The following PLCE1 variants were observed in gnomAD, a reference collection of about 807,000 sequenced individuals.
The protein encoded by PLCE1 is 1-phosphatidylinositol 4,5-bisphosphate phosphodiesterase epsilon-1.
PLCE1 carries 119 observed loss-of-function variants against 242.8 expected under a neutral mutation model. The ratio of observed to expected loss-of-function variants is 0.49; its 90% confidence interval spans 0.42 to 0.57. The LOEUF (loss-of-function observed/expected upper bound fraction) is 0.57, where lower values mean the gene tolerates loss of function less well. PLCE1 is among the 20% of genes least tolerant of loss of function. The pLI is 0.00. For missense variants in PLCE1, 2,441 were observed against 2,788.8 expected (o/e 0.88, Z 2.81); for synonymous variants, 945 against 1,017.4 (o/e 0.93, Z 1.35).
chr10:94,098,990 G>T (rs564080440), intron 2 of PLCE1, among the ~76,000 whole-genome samples: 45 of 152,310 alleles, frequency 3.0e-4, no homozygotes, highest in African/African-American at 1.1e-3. Flanking sequence ...TCTGGGAAAT[G>T]CAGGCAAAGT....
At position 94,262,679 on chromosome 10, in the gene PLCE1, G is replaced by A. The variant is rs61886335; in HGVS notation, c.4000G>A (p.Val1334Met). ...CATACTTCAGCTCAACGATTTCCTCGTGAATTGCCAAGGAGAACACTGCAC... is the reference window on the plus strand; with the variant it reads ...CATACTTCAGCTCAACGATTTCCTCATGAATTGCCAAGGAGAACACTGCAC... Reference protein sequence around the residue: ...VGILQLNDFLVNCQGEHCTYD... With the variant: ...VGILQLNDFLMNCQGEHCTYD... The change falls in exon 14 of 33, where the codon GTG becomes ATG. Residue 1334 changes from valine (V) to methionine (M), a missense_variant. By Grantham distance (21) the Val-to-Met change is conservative. Around this residue, in one of 5 missense-constraint regions of PLCE1, gnomAD observed 1,004 missense variants for 1,322.7 expected, o/e 0.76. Coordinates refer to ENST00000371380, the MANE Select transcript of PLCE1 (RefSeq NM_016341.4). The A allele has an allele frequency of 2.5e-5, 41 of 1,614,024 alleles. No individual in the cohort carries two copies. Among genetic ancestry groups the A allele is most frequent in the African/African-American group, 2.4e-4 (18 of 75,032 alleles).
intron 3 of PLCE1, among the ~76,000 whole-genome samples, chr10:94,165,516 C>G (rs1187368771): frequency 6.6e-6 from 1 of 152,152 alleles, no homozygotes; most frequent in African/African-American, 2.4e-5. Flanking sequence ...ACACTGGGAG[C>G]TGTAGACTGG....
rs2061542418 is a variant in PLCE1, at chr10:94,030,795, CAG to C, written c.-249_-248del. 2 of 501,340 alleles carry C rather than the reference CAG, an allele frequency of 4.0e-6. No homozygotes were observed. The highest frequency in any genetic ancestry group is 7.1e-6 in the Non-Finnish European group (2 of 281,058). The allele number at this position is 501,340 out of a possible 1,614,324, so 31.1% of individuals were successfully genotyped here. A position where few individuals can be genotyped will look rare whatever the true frequency, so the allele number is the denominator to read the frequency against. On this transcript the variant is annotated 5_prime_UTR_variant, in exon 2 of 33. It introduces an in-frame stop codon into an upstream open reading frame of the 5' UTR. Transcript: ENST00000371380. The stretch of plus-strand genomic sequence containing the variant: ...CTTCAAAAAATTTTGCTTCAGGTAA[CAG>C]AGGAAGGAAAATTGATCTACCACCT...
At chr10:94,110,898 A>C (rs1289363446) in intron 2 of PLCE1, among the ~76,000 whole-genome samples, 2 of 152,250 alleles carry the variant, frequency 1.3e-5, no homozygotes, top group East Asian at 3.8e-4. Context: ...AGCCCTGTGC[A>C]CTGGACAATG....
intron 2 of PLCE1, among the ~76,000 whole-genome samples, chr10:94,048,599 T>G (rs2043665335): frequency 6.6e-6 from 1 of 150,966 alleles, no homozygotes; most frequent in South Asian, 2.1e-4. Context: ...ATGCCCATTT[T>G]CTGTTGGGTT....
chr10:94,145,484 G>A (rs375198523), intron 3 of PLCE1, among the ~76,000 whole-genome samples: 88 of 152,224 alleles, frequency 5.8e-4, no homozygotes, highest in African/African-American at 2.1e-3. Context: ...CTTCTTCATG[G>A]GCCAAATCCA....
At chr10:94,324,835 G>GTGAC in intron 31 of PLCE1, 57 bp from the exon 32 acceptor site, 2 of 1,533,340 alleles carry the variant, frequency 1.3e-6, no homozygotes. Context: ...ATAGTGTCAT[G>GTGAC]TGACAGAGGA....
intron 28 of PLCE1, among the ~76,000 whole-genome samples, chr10:94,313,789 G>A (rs2053473125): frequency 6.6e-6 from 1 of 152,120 alleles, no homozygotes; most frequent in African/African-American, 2.4e-5. Flanking sequence ...TTAGGTGAAT[G>A]GAATCTTCTT....
intron 3 of PLCE1, among the ~76,000 whole-genome samples, chr10:94,152,100 A>G (rs1259139184): frequency 6.6e-6 from 1 of 152,192 alleles, no homozygotes; most frequent in Non-Finnish European, 1.5e-5. Flanking sequence ...ATGTTGGCCT[A>G]GGCAAAAAAT....
chr10:94,283,879 A>C lies in PLCE1; in HGVS notation c.4885A>C (p.Lys1629Gln). Residue 1629 changes from lysine (K) to glutamine (Q), a missense_variant, in exon 21 of 33, where the codon AAA (lysine) becomes CAA (glutamine). Lys to Gln is a moderately conservative substitution (Grantham distance 53). Transcript: ENST00000371380. ...YNEEIPKRIK[K>Q]ADNSACNKGK... Reference sequence around the variant, plus strand: ...TGAAGAAATCCCAAAGAGGATAAAGAAAGCAGATAACTCTGCTTGCAACAA... The same window carrying C: ...TGAAGAAATCCCAAAGAGGATAAAGCAAGCAGATAACTCTGCTTGCAACAA... The C allele has an allele frequency of 2.5e-6, 4 of 1,612,094 alleles. No individual in the cohort carries two copies. Among genetic ancestry groups the C allele is most frequent in the Non-Finnish European group, 2.5e-6 (3 of 1,178,562 alleles).
Position 94,308,723 on chromosome 10 carries a change from A to G in PLCE1, c.6003+24A>G, listed in dbSNP as rs11187850. The G allele has an allele frequency of 0.29, 416,058 of 1,441,692 alleles. 61,930 individuals are homozygous for G. The highest frequency in any genetic ancestry group is 0.41 in the Middle Eastern group (2,334 of 5,736). 89.3% of individuals were successfully genotyped at this position (1,441,692 alleles called of 1,614,324 possible). ...CGGTAATGAAGTTCTGTTTCACTCA[A>G]CATATTTATGGGGATTGCTACACTG... On this transcript the variant is annotated intron_variant, in intron 27 of 32. Coordinates refer to ENST00000371380, the MANE Select transcript of PLCE1 (RefSeq NM_016341.4).
intron 1 of PLCE1, among the ~76,000 whole-genome samples, chr10:94,024,866 A>C (rs1408722486): frequency 6.6e-6 from 1 of 152,110 alleles, no homozygotes; most frequent in African/African-American, 2.4e-5. Flanking sequence ...GTACTCTTGG[A>C]CAAGTCATTC....
At chr10:94,164,017 A>T (rs1328049328) in intron 3 of PLCE1, among the ~76,000 whole-genome samples, 3 of 152,144 alleles carry the variant, frequency 2.0e-5, no homozygotes, top group Admixed American at 2.0e-4. Context: ...CTGCCGAGAG[A>T]TCAGCTGTTT....
chr10:94,162,866 C>T (rs1213027706), intron 3 of PLCE1, among the ~76,000 whole-genome samples: 2 of 152,164 alleles, frequency 1.3e-5, no homozygotes, highest in Non-Finnish European at 2.9e-5. Context: ...TCTTTGTTCT[C>T]ATTGGTTTCA....
intron 11 of PLCE1, among the ~76,000 whole-genome samples, chr10:94,255,271 A>C (rs1364992484): frequency 6.6e-6 from 1 of 152,212 alleles, no homozygotes; most frequent in Non-Finnish European, 1.5e-5. Flanking sequence ...AACAAAACCT[A>C]AGCCATGATT....
chr10:94,258,108 AGCTG>A (rs1423051186), intron 11 of PLCE1, among the ~76,000 whole-genome samples: 1 of 152,184 alleles, frequency 6.6e-6, no homozygotes, highest in Admixed American at 6.5e-5. Flanking sequence ...TCCTAGTCAA[AGCTG>A]GCTTTTTTCC....
chr10:94,258,587 AAACATGTTTTCTTTTTCACATAG>A (rs1341417561), intron 11 of PLCE1, among the ~76,000 whole-genome samples, 190 bp from the exon 12 acceptor site: 1 of 152,242 alleles, frequency 6.6e-6, no homozygotes, highest in Non-Finnish European at 1.5e-5. Flanking sequence ...AATAGACTAG[AAACATGTTTTCTTTTTCACATAG>A]AACATGTTTT....
chr10:94,008,851 G>A (rs2061105209), intron 1 of PLCE1, among the ~76,000 whole-genome samples: 1 of 152,136 alleles, frequency 6.6e-6, no homozygotes, highest in Non-Finnish European at 1.5e-5. Flanking sequence ...CTTAGAGGAA[G>A]GAGACCTATT....
chr10:94,146,479 G>T (rs2047117106), intron 3 of PLCE1, among the ~76,000 whole-genome samples: 1 of 152,198 alleles, frequency 6.6e-6, no homozygotes, highest in South Asian at 2.1e-4. Flanking sequence ...AGTGCTCTCA[G>T]TGCAGTCGGC....
Sources: gnomAD v4.1 joint callset for allele counts (sites outside exome capture counted in the v4.1 genomes callset) on GRCh38, gnomAD v4.1.1 for gene constraint, gnomAD v4.1.1 regional missense constraint, MANE v1.5 for transcripts, NCBI Gene and HGNC (gene_info 2026-07-23, HGNC 2026-07-21) for gene names.